Variants in RELN observed in about 807,000 individuals in gnomAD.
The protein encoded by RELN is reelin.
A neutral mutation model predicts 427.6 loss-of-function variants in RELN; 108 were observed. The ratio of observed to expected loss-of-function variants is 0.25; its 90% CI spans 0.22 to 0.30. RELN has a LOEUF of 0.30. Among genes scored for constraint, RELN ranks in the 10% least tolerant of loss-of-function variants. RELN has a pLI of 1.00. For missense variants in RELN, 3,715 were observed against 4,302.8 expected (o/e 0.86, Z 3.82); for synonymous variants, 1,524 against 1,513.4 (o/e 1.01, Z -0.16).
At chr7:103,757,435 A>G (rs1253334874) in intron 4 of RELN, among the ~76,000 whole-genome samples, 1 of 152,164 alleles carries the variant, frequency 6.6e-6, no homozygotes, top group Non-Finnish European at 1.5e-5. Context: ...AGGATCCTAG[A>G]ATGCCCCACC....
intron 53 of RELN, among the ~76,000 whole-genome samples, chr7:103,500,362 A>G (rs1403488514): frequency 6.6e-6 from 1 of 152,174 alleles, no homozygotes; most frequent in African/African-American, 2.4e-5. Context: ...GTGATAATGT[A>G]TATTATTTGC....
At chr7:103,828,931 T>C (rs555331523) in intron 3 of RELN, among the ~76,000 whole-genome samples, 111 of 152,078 alleles carry the variant, frequency 7.3e-4, no homozygotes, top group African/African-American at 2.4e-3. Context: ...CACGATAAAA[T>C]AGACAAGTGG....
At chr7:103,596,236 A>C (rs2117254359) in intron 25 of RELN, among the ~76,000 whole-genome samples, 1 of 152,298 alleles carries the variant, frequency 6.6e-6, no homozygotes, top group East Asian at 1.9e-4. Context: ...TTCTAGTCAC[A>C]AGCTTTAAAA....
chr7:103,594,533 C>T, intron 25 of RELN, 41 bp from the exon 26 acceptor site: 1 of 1,578,420 alleles, frequency 6.3e-7, no homozygotes, highest in Non-Finnish European at 8.7e-7. Flanking sequence ...AAAACAAAAG[C>T]TGTGCTTTTT....
chr7:103,550,494 T>C (rs1386675135), intron 41 of RELN, among the ~76,000 whole-genome samples: 1 of 152,198 alleles, frequency 6.6e-6, no homozygotes, highest in Non-Finnish European at 1.5e-5. Flanking sequence ...TTCATTTCAT[T>C]TCTCTTAGGG....
Position 103,542,805 on chromosome 7 carries a change from A to G in RELN, c.6597T>C (p.Ser2199=). ...KPSRKCGILS[S]GNNLFFNEDG... is the part of the protein sequence containing the mutation. The stretch of plus-strand genomic sequence containing the variant: ...CTTCATTGAAAAAGAGGTTGTTTCC[A>G]CTAGAAAGGATTCCACACTTTCGAG... The change falls in exon 43 of 65, where the codon AGT becomes AGC. Residue 2199 remains serine, a synonymous_variant. Transcript: ENST00000428762. The G allele has an allele frequency of 1.2e-6, 2 of 1,614,134 alleles. No homozygotes were observed. The highest frequency in any genetic ancestry group is 1.7e-6 in the Non-Finnish European group (2 of 1,179,990).
At chr7:103,695,510 T>C (rs1489385328) in intron 10 of RELN, among the ~76,000 whole-genome samples, 1 of 152,132 alleles carries the variant, frequency 6.6e-6, no homozygotes, top group Non-Finnish European at 1.5e-5. Context: ...AGTTGTAATA[T>C]AATTAAAATT....
At chr7:103,676,394 G>A (rs1833525323) in intron 11 of RELN, among the ~76,000 whole-genome samples, 3 of 152,108 alleles carry the variant, frequency 2.0e-5, no homozygotes, top group South Asian at 2.1e-4. Context: ...GAAACAACAG[G>A]TGCTGGAGAG....
At chr7:103,975,184 GATTA>G (rs1432234274) in intron 1 of RELN, among the ~76,000 whole-genome samples, 4 of 152,178 alleles carry the variant, frequency 2.6e-5, no homozygotes, top group Non-Finnish European at 4.4e-5. Flanking sequence ...TGATCCTCTT[GATTA>G]ATTATCTTGG....
intron 3 of RELN, among the ~76,000 whole-genome samples, chr7:103,777,322 T>G (rs1398360599): frequency 2.6e-5 from 4 of 152,306 alleles, no homozygotes; most frequent in Middle Eastern, 3.4e-3. Context: ...TGAAGGGTTT[T>G]CCCTTAAAAA....
intron 14 of RELN, 127 bp from the exon 15 acceptor site, chr7:103,651,916 C>A: frequency 2.1e-6 from 2 of 963,680 alleles, no homozygotes; most frequent in African/African-American, 1.6e-5. Context: ...TTTAAAGATG[C>A]TGTTTCCTAA....
intron 38 of RELN, among the ~76,000 whole-genome samples, chr7:103,554,569 C>CAAA (rs56319660): frequency 0.45 from 46,177 of 102,774 alleles, 11,005 homozygotes; most frequent in East Asian, 0.56. Flanking sequence ...GATGCTGTCT[C>CAAA]AAAAAAAAAA....
At chr7:103,543,457 C>A (rs1830218986) in intron 42 of RELN, among the ~76,000 whole-genome samples, 1 of 151,998 alleles carries the variant, frequency 6.6e-6, no homozygotes, top group African/African-American at 2.4e-5. Flanking sequence ...ACCAGCCCGG[C>A]CAACATGACA....
At chr7:103,695,999 T>A (rs1833969840) in intron 10 of RELN, among the ~76,000 whole-genome samples, 1 of 152,166 alleles carries the variant, frequency 6.6e-6, no homozygotes, top group South Asian at 2.1e-4. Flanking sequence ...AGGGTTTGAC[T>A]TGTTAAGCAA....
chr7:103,784,326 C>G (rs1313539306), intron 3 of RELN, among the ~76,000 whole-genome samples: 2 of 152,004 alleles, frequency 1.3e-5, no homozygotes, highest in Non-Finnish European at 2.9e-5. Context: ...TGAGTAAAGT[C>G]AAATGAGAAA....
chr7:103,925,077 A>G (rs1795702693), intron 1 of RELN, among the ~76,000 whole-genome samples: 1 of 151,778 alleles, frequency 6.6e-6, no homozygotes, highest in African/African-American at 2.4e-5. Context: ...ACCTTGAGGT[A>G]AAAATCTCAC....
rs1796759078 is a variant in RELN at position 103,971,267 on chromosome 7, A to C, written c.226+17864T>G. ...ACACACTGTCATGCTCATTCCATAT[A>C]AACGAAACAACTGATAGATTTGACT... On this transcript the variant is annotated intron_variant, in intron 1 of 64. Coordinates refer to ENST00000428762, the MANE Select transcript of RELN (RefSeq NM_005045.4). Among the ~76,000 whole-genome samples the C allele has an allele frequency of 2.0e-5, 3 of 152,170 alleles. No individual in the cohort carries two copies. The South Asian group carries it at 6.2e-4, about 32-fold the overall frequency.
intron 52 of RELN, 69 bp downstream of exon 52, chr7:103,502,947 A>G: frequency 7.8e-7 from 1 of 1,281,360 alleles, no homozygotes; most frequent in Admixed American, 1.8e-5. Context: ...TTCAGGCATG[A>G]CAACAGTGTA....
At chr7:103,617,965 C>T (rs541233477) in intron 20 of RELN, among the ~76,000 whole-genome samples, 1 of 152,252 alleles carries the variant, frequency 6.6e-6, no homozygotes, top group South Asian at 2.1e-4. Context: ...CCACTGGCTC[C>T]CCTTCTCCTT....
Sources: allele counts gnomAD v4.1 joint callset (sites outside exome capture counted in the v4.1 genomes callset), GRCh38; gene constraint gnomAD v4.1.1; transcripts MANE v1.5; gene names NCBI Gene and HGNC (gene_info 2026-07-23, HGNC 2026-07-21).